MEAK7: variants seen among roughly 807,000 people sequenced by gnomAD.
The protein encoded by MEAK7 is MTOR associated protein MEAK7, also known as MTOR-associated protein MEAK7.
MEAK7 carries 68 observed loss-of-function variants against 40.5 expected under a neutral mutation model. The observed-to-expected ratio is 1.68, with a 90% CI of 1.38 to 2.06. The LOEUF is 2.06. Ranked by LOEUF, MEAK7 falls within the 30% of genes most tolerant of loss-of-function variation. The pLI, the probability that MEAK7 is intolerant of heterozygous loss-of-function variation, is 0.00. For synonymous variants in MEAK7, 338 were observed against 231.9 expected (o/e 1.46, Z -4.16); for missense variants, 918 against 580.5 (o/e 1.58, Z -5.98).
Position 84,482,661 on chromosome 16 carries a change from G to T in MEAK7, c.1008C>A (p.Tyr336Ter), listed in dbSNP as rs1340359276. The change falls in exon 6 of 8, where the codon TAC (tyrosine) becomes TAA (stop). Residue 336 changes from tyrosine (Y) to a stop codon, truncating the protein, a stop_gained. Coordinates refer to ENST00000343629, the MANE Select transcript of MEAK7 (RefSeq NM_020947.4). LOFTEE classifies it high-confidence loss of function. ...AGTGGTCGTTGTAGCCCGTGTGTGT[G>T]TACACAGCCATGCTGGGGCAGATGG... Reference protein sequence around the residue: ...LFSICPSMAVYTHTGYNDHYM... With the variant: ...LFSICPSMAV 1.2e-6 allele frequency: 2 copies of T among 1,614,122 alleles called. No individual in the cohort carries two copies. The highest frequency in any genetic ancestry group is 1.7e-6 in the Non-Finnish European group (2 of 1,180,040).
intron 1 of MEAK7, among the ~76,000 whole-genome samples, chr16:84,503,204 G>A (rs1248342456): frequency 1.9e-4 from 1 of 5,364 alleles, no homozygotes; most frequent in Non-Finnish European, 5.2e-3. Flanking sequence ...CTACATATAT[G>A]GTAAAAAAAA....
Position 84,489,216 on chromosome 16 carries a change from T to C in MEAK7, c.529+62A>G, listed in dbSNP as rs1399978169. The C allele has an allele frequency of 8.3e-6, 13 of 1,573,630 alleles. 1 individual carries two copies. The highest frequency in any genetic ancestry group is 1.1e-5 in the Non-Finnish European group (13 of 1,157,808). ...AAGCTTTACTACACAGCTACAGTAA[T>C]GGAGACAGCAGGTACCGCTCTACAG... On this transcript the variant is annotated intron_variant, in intron 4 of 7. Coordinates refer to ENST00000343629, the MANE Select transcript of MEAK7 (RefSeq NM_020947.4).
rs1347184755 is a variant in MEAK7 at position 84,480,383 on chromosome 16, G to A, written c.1257+146C>T. On this transcript the variant is annotated intron_variant, in intron 7 of 7. Coordinates refer to ENST00000343629, the MANE Select transcript of MEAK7 (RefSeq NM_020947.4). ...CAAGACTTCCAGCCATGCATCTCCT[G>A]GCATCCAAGCCAGCATCAGCTACCA... 3 of 1,005,366 alleles carry A rather than the reference G, an allele frequency of 3.0e-6. No homozygotes were observed. In the African/African-American group the frequency reaches 4.9e-5, roughly 17 times the overall value. The allele number at this position is 1,005,366 out of a possible 1,614,324, so 62.3% of individuals were successfully genotyped here.
intron 3 of MEAK7, among the ~76,000 whole-genome samples, chr16:84,490,989 C>CTGTGTTACCTGATT (rs1244524120): frequency 7.0e-6 from 1 of 143,320 alleles, no homozygotes; most frequent in Non-Finnish European, 1.6e-5. Flanking sequence ...TGCTTTTCTA[C>CTGTGTTACCTGATT]TGTGTTACCT....
At chr16:84,482,508 G>A (rs978335542) in intron 6 of MEAK7, 84 bp downstream of exon 6, 58 of 1,606,136 alleles carry the variant, frequency 3.6e-5, no homozygotes, top group Non-Finnish European at 4.8e-5. Context: ...GCCCTGCCCT[G>A]ATCTGTGGAG....
intron 1 of MEAK7, among the ~76,000 whole-genome samples, chr16:84,501,105 G>GAAAAA (rs35447624): frequency 4.8e-5 from 5 of 103,634 alleles, no homozygotes; most frequent in Admixed American, 1.3e-4. Flanking sequence ...AAAAAAAAAA[G>GAAAAA]AAAAAAAAAA....
At chr16:84,489,951 A>G (rs1913425735) in intron 3 of MEAK7, among the ~76,000 whole-genome samples, 1 of 152,204 alleles carries the variant, frequency 6.6e-6, no homozygotes, top group Admixed American at 6.5e-5. Flanking sequence ...GGCAGAGGGC[A>G]GTCTGCAGCC....
rs1360813379 is a variant in MEAK7 at position 84,478,091 on chromosome 16, G to A, written c.*1822C>T. ...GGCATCATGGCAGTTTAATAGTGAG[G>A]TATTTAATTGCATTTTTATAAAAAA... On this transcript the variant is annotated 3_prime_UTR_variant, in exon 8 of 8. Transcript: ENST00000343629. 2 of 151,012 alleles carry A rather than the reference G, an allele frequency of 1.3e-5. No individual in the cohort carries two copies. Among genetic ancestry groups the A allele is most frequent in the African/African-American group, 4.9e-5 (2 of 41,108 alleles). 9.4% of individuals were successfully genotyped at this position (151,012 alleles called of 1,614,324 possible).
chr16:84,482,378 C>T (rs1161397459), intron 6 of MEAK7, among the ~76,000 whole-genome samples: 2 of 152,204 alleles, frequency 1.3e-5, no homozygotes, highest in Non-Finnish European at 2.9e-5. Context: ...ACTGAGAAGC[C>T]CCAGCAGAGG....
intron 3 of MEAK7, among the ~76,000 whole-genome samples, chr16:84,490,315 C>G (rs570751309): frequency 1.3e-5 from 2 of 151,210 alleles, no homozygotes; most frequent in African/African-American, 2.4e-5. Context: ...GCAAGGCCAC[C>G]AAAAGGAAAA....
chr16:84,483,892 G>C (rs745645089), intron 5 of MEAK7, among the ~76,000 whole-genome samples: 3 of 152,182 alleles, frequency 2.0e-5, no homozygotes, highest in Non-Finnish European at 2.9e-5. Flanking sequence ...GGATAGTTAG[G>C]CTAGAAAGTT....
At chr16:84,485,464 G>A (rs1006106223) in intron 5 of MEAK7, among the ~76,000 whole-genome samples, 76 of 152,274 alleles carry the variant, frequency 5.0e-4, no homozygotes, top group Non-Finnish European at 3.2e-4. Context: ...CACAGTTCCC[G>A]GCCTTCAGAA....
intron 1 of MEAK7, among the ~76,000 whole-genome samples, chr16:84,503,474 C>A: frequency 6.6e-6 from 1 of 152,202 alleles, no homozygotes; most frequent in South Asian, 2.1e-4. Flanking sequence ...CAGAGTTGAG[C>A]CCAATCTCTC....
rs780501577 is a variant in MEAK7 at position 84,486,866 on chromosome 16, A to T, written c.723T>A (p.Gly241=). The part of the protein sequence containing the change: ...VPERQVDQGR[G]FESILDVLSV... ...AGAGGACATCCAGGATGCTCTCAAAACCCCTGCCCTGGTCCACTTGACGCT... is the reference window on the plus strand; with the variant it reads ...AGAGGACATCCAGGATGCTCTCAAATCCCCTGCCCTGGTCCACTTGACGCT... The change falls in exon 5 of 8, where the codon GGT becomes GGA. Residue 241 remains glycine, a synonymous_variant. Coordinates refer to ENST00000343629, the MANE Select transcript of MEAK7 (RefSeq NM_020947.4). 3 of 1,613,958 alleles carry T rather than the reference A, an allele frequency of 1.9e-6. No individual in the cohort carries two copies. The African/African-American group carries it at 4.0e-5, about 22-fold the overall frequency.
chr16:84,498,763 C>A (rs1049303766), intron 1 of MEAK7, among the ~76,000 whole-genome samples: 1 of 152,162 alleles, frequency 6.6e-6, no homozygotes, highest in East Asian at 1.9e-4. Flanking sequence ...TCTAAATATT[C>A]ATTCTTTAAA....
At chr16:84,498,138 G>C (rs776320721) in intron 1 of MEAK7, 27 bp from the exon 2 acceptor site, 4 of 1,532,510 alleles carry the variant, frequency 2.6e-6, no homozygotes, top group Non-Finnish European at 3.5e-6. Flanking sequence ...CACAACATTA[G>C]AAAAATCAAA....
At position 84,484,156 on chromosome 16, in the gene MEAK7, C is replaced by T. The variant is rs143406110; in HGVS notation, c.959-1446G>A. On this transcript the variant is annotated intron_variant, in intron 5 of 7. Coordinates refer to ENST00000343629, the MANE Select transcript of MEAK7 (RefSeq NM_020947.4). ...GGCCACAGAGTTCAGGCCTCAGCTG[C>T]GATAGGCCCAGATCCTAGTCCACCC... 1.9e-3 allele frequency among the ~76,000 whole-genome samples: 294 copies of T among 152,288 alleles called. 2 individuals are homozygous for T. Among genetic ancestry groups the T allele is most frequent in the African/African-American group, 6.6e-3 (275 of 41,554 alleles).
intron 1 of MEAK7, chr16:84,504,231 C>T (rs750780113): frequency 3.3e-6 from 3 of 897,644 alleles, no homozygotes; most frequent in African/African-American, 1.8e-5. Flanking sequence ...CCAGACTCGC[C>T]TCCTCCGTGG....
At chr16:84,486,334 G>C in intron 5 of MEAK7, 1 of 663,592 alleles carries the variant, frequency 1.5e-6, no homozygotes. Flanking sequence ...ACCATCTCCT[G>C]GTCCCCTCGG....
Sources: allele counts gnomAD v4.1 joint callset (sites outside exome capture counted in the v4.1 genomes callset), GRCh38; gene constraint gnomAD v4.1.1; transcripts MANE v1.5; gene names NCBI Gene and HGNC (gene_info 2026-07-23, HGNC 2026-07-21).